The following CABCOCO1 variants were observed in gnomAD, a reference collection of about 807,000 sequenced individuals.
CABCOCO1 encodes ciliary associated calcium binding coiled-coil 1.
CABCOCO1 carries 28 observed loss-of-function variants against 35.7 expected under a neutral mutation model. The observed-to-expected ratio is 0.78, with a 90% CI of 0.58 to 1.07. CABCOCO1 has a LOEUF of 1.07. CABCOCO1 is among the 50% of genes least tolerant of loss of function. The pLI, the probability that CABCOCO1 is intolerant of heterozygous loss-of-function variation, is 0.00. For missense variants in CABCOCO1, 326 were observed against 309.2 expected (o/e 1.05, Z -0.41); for synonymous variants, 95 against 100.1 (o/e 0.95, Z 0.30).
intron 5 of CABCOCO1, among the ~76,000 whole-genome samples, chr10:61,751,384 C>A (rs1280911179): frequency 6.6e-6 from 1 of 151,934 alleles, no homozygotes; most frequent in Non-Finnish European, 1.5e-5. Context: ...ACAGGTGGGA[C>A]AGGCATCAGC....
intron 2 of CABCOCO1, among the ~76,000 whole-genome samples, chr10:61,679,914 CA>C (rs1416691291): frequency 1.3e-5 from 2 of 151,404 alleles, no homozygotes; most frequent in Admixed American, 1.3e-4. Flanking sequence ...AAACAGTATC[CA>C]AAATGAAAAG....
intron 5 of CABCOCO1, among the ~76,000 whole-genome samples, chr10:61,710,009 A>C (rs1278285065): frequency 1.3e-5 from 2 of 152,066 alleles, no homozygotes; most frequent in Non-Finnish European, 2.9e-5. Flanking sequence ...ATAATTTGTA[A>C]ATTTAAATTT....
At chr10:61,760,022 A>G in intron 5 of CABCOCO1, 37 bp from the exon 6 acceptor site, 1 of 1,610,614 alleles carries the variant, frequency 6.2e-7, no homozygotes, top group Non-Finnish European at 8.5e-7. Flanking sequence ...TGCTCACCAA[A>G]GGCTCTGTCA....
chr10:61,760,639 A>G (rs546009761), intron 6 of CABCOCO1, among the ~76,000 whole-genome samples: 25 of 152,172 alleles, frequency 1.6e-4, no homozygotes, highest in African/African-American at 6.0e-4. Flanking sequence ...ACATCAGGAC[A>G]AATAGCTAAT....
intron 3 of CABCOCO1, among the ~76,000 whole-genome samples, chr10:61,683,975 C>A (rs940177905): frequency 2.0e-5 from 3 of 152,098 alleles, no homozygotes; most frequent in African/African-American, 7.2e-5. Context: ...AAGAATTTCT[C>A]TTTTCTCTGC....
intron 5 of CABCOCO1, among the ~76,000 whole-genome samples, chr10:61,730,187 A>C (rs1841269256): frequency 6.6e-6 from 1 of 150,896 alleles, no homozygotes; most frequent in South Asian, 2.1e-4. Context: ...AAAAAACTAG[A>C]GCTTCTTAAG....
intron 5 of CABCOCO1, among the ~76,000 whole-genome samples, chr10:61,699,312 C>A (rs1840378075): frequency 6.6e-6 from 1 of 152,140 alleles, no homozygotes; most frequent in Non-Finnish European, 1.5e-5. Context: ...AAATATAAAT[C>A]TTTTAAGAGA....
chr10:61,765,774 G>A, intron 7 of CABCOCO1, among the ~76,000 whole-genome samples, 165 bp from the exon 8 acceptor site: 1 of 152,224 alleles, frequency 6.6e-6, no homozygotes, highest in East Asian at 1.9e-4. Flanking sequence ...ATGATAAAGT[G>A]TTATCACATC....
At chr10:61,722,569 G>A (rs546696838) in intron 5 of CABCOCO1, among the ~76,000 whole-genome samples, 64 of 151,820 alleles carry the variant, frequency 4.2e-4, no homozygotes, top group Non-Finnish European at 1.9e-4. Flanking sequence ...TAACAGCAAA[G>A]AAATCAGAAG....
At chr10:61,676,959 G>C (rs1028804644) in intron 2 of CABCOCO1, among the ~76,000 whole-genome samples, 3 of 152,000 alleles carry the variant, frequency 2.0e-5, no homozygotes, top group Admixed American at 2.0e-4. Flanking sequence ...AGCTATTCAG[G>C]AGGCTGAGAC....
chr10:61,759,511 TCTTGC>T (rs1222058678), intron 5 of CABCOCO1, among the ~76,000 whole-genome samples: 1 of 152,010 alleles, frequency 6.6e-6, no homozygotes, highest in Non-Finnish European at 1.5e-5. Flanking sequence ...CATAGTGAAG[TCTTGC>T]CTTGCCCTGT....
intron 5 of CABCOCO1, among the ~76,000 whole-genome samples, chr10:61,691,710 T>G (rs1167790234): frequency 6.6e-6 from 1 of 152,072 alleles, no homozygotes; most frequent in Non-Finnish European, 1.5e-5. Context: ...GTTCTCATTG[T>G]TCAACTCCCA....
intron 5 of CABCOCO1, among the ~76,000 whole-genome samples, chr10:61,722,051 T>C (rs1399809256): frequency 6.6e-6 from 1 of 152,110 alleles, no homozygotes; most frequent in Non-Finnish European, 1.5e-5. Flanking sequence ...CCAAAGATAT[T>C]TGTTGTCAAT....
At chr10:61,677,092 T>TAATAATAATAATAATAAA (rs1269859238) in intron 2 of CABCOCO1, among the ~76,000 whole-genome samples, 1 of 150,882 alleles carries the variant, frequency 6.6e-6, no homozygotes, top group East Asian at 1.9e-4. Flanking sequence ...ATAATAATAA[T>TAATAATAATAATAATAAA]AAATTTTTCT....
intron 3 of CABCOCO1, among the ~76,000 whole-genome samples, chr10:61,681,747 T>C (rs900016353): frequency 2.6e-5 from 4 of 152,090 alleles, no homozygotes; most frequent in African/African-American, 9.7e-5. Context: ...AAACAATATA[T>C]AGTTATCAAG....
At chr10:61,668,355 C>T (rs1463649057) in intron 1 of CABCOCO1, among the ~76,000 whole-genome samples, 1 of 151,746 alleles carries the variant, frequency 6.6e-6, no homozygotes, top group Non-Finnish European at 1.5e-5. Context: ...CTATGCTGGC[C>T]TCTTAAAAAT....
At chr10:61,762,565 T>C (rs748970123) in intron 7 of CABCOCO1, among the ~76,000 whole-genome samples, 3 of 152,082 alleles carry the variant, frequency 2.0e-5, no homozygotes, top group Non-Finnish European at 2.9e-5. Flanking sequence ...AATAGCATGA[T>C]GATGTGGATT....
At chr10:61,764,285 C>T (rs1842065357) in intron 7 of CABCOCO1, among the ~76,000 whole-genome samples, 1 of 152,040 alleles carries the variant, frequency 6.6e-6, no homozygotes, top group Non-Finnish European at 1.5e-5. Context: ...AAAATTATTT[C>T]AAACCATTTT....
intron 2 of CABCOCO1, among the ~76,000 whole-genome samples, chr10:61,679,357 A>G (rs893218487): frequency 6.6e-6 from 1 of 150,848 alleles, no homozygotes; most frequent in African/African-American, 2.4e-5. Flanking sequence ...CTATCTGCTT[A>G]ATCTCCCAGG....
Sources: gnomAD v4.1 joint callset for allele counts (sites outside exome capture counted in the v4.1 genomes callset) on GRCh38, gnomAD v4.1.1 for gene constraint, MANE v1.5 for transcripts, NCBI Gene and HGNC (gene_info 2026-07-23, HGNC 2026-07-21) for gene names.